SASH1: variants seen among roughly 807,000 people sequenced by gnomAD.
SASH1 encodes the protein SAM and SH3 domain containing 1.
Under a neutral mutation model 125.2 loss-of-function variants are expected in SASH1, and 44 were observed. The observed-to-expected ratio is 0.35, with a 90% CI of 0.28 to 0.45. The LOEUF (loss-of-function observed/expected upper bound fraction) is 0.45. Among genes scored for constraint, SASH1 ranks in the 20% least tolerant of loss-of-function variants. SASH1 has a pLI of 1.00. For missense variants in SASH1, 1,426 were observed against 1,614.5 expected (o/e 0.88, Z 2.00); for synonymous variants, 639 against 649.1 (o/e 0.98, Z 0.24).
the SASH1 span, among the ~76,000 whole-genome samples, chr6:148,230,596 C>T: frequency 5.3e-5 from 8 of 152,238 alleles, no homozygotes; most frequent in Non-Finnish European, 2.9e-5. Flanking sequence ...CAAAGTGCAC[C>T]CTTGCGGCAC....
At chr6:148,481,505 C>T (rs1242887071) in intron 7 of SASH1, among the ~76,000 whole-genome samples, 2 of 152,114 alleles carry the variant, frequency 1.3e-5, no homozygotes, top group East Asian at 1.9e-4. Context: ...TCATTCCTAG[C>T]TTTTGATTTA....
chr6:148,322,818 T>A (rs1780671847), intron 1 of SASH1, among the ~76,000 whole-genome samples: 2 of 152,170 alleles, frequency 1.3e-5, no homozygotes, highest in Admixed American at 6.5e-5. Flanking sequence ...CAGTTTTCCA[T>A]TCTCATTTAC....
the SASH1 span, among the ~76,000 whole-genome samples, chr6:148,223,446 G>A: frequency 1.3e-5 from 2 of 152,170 alleles, no homozygotes; most frequent in Non-Finnish European, 1.5e-5. Context: ...ACTCATAAGC[G>A]AGACTGAGTT....
intron 1 of SASH1, among the ~76,000 whole-genome samples, chr6:148,298,011 TA>T (rs112592275): frequency 0.13 from 19,795 of 149,832 alleles, 1,422 homozygotes; most frequent in East Asian, 0.27. Context: ...TTATTATATA[TA>T]TATTTTTTTT....
the SASH1 span, among the ~76,000 whole-genome samples, chr6:148,232,402 T>A: frequency 6.6e-6 from 1 of 152,210 alleles, no homozygotes; most frequent in Admixed American, 6.5e-5. Context: ...CAAGAAGACA[T>A]GGTTTGATCC....
chr6:148,464,048 G>C lies in SASH1; in HGVS notation c.387-4497G>C, dbSNP rs555057657. 9.2e-5 allele frequency among the ~76,000 whole-genome samples: 14 copies of C among 152,300 alleles called. No homozygotes were observed. The South Asian group carries it at 2.9e-3, about 32-fold the overall frequency. ...TGAATACACAAAGCAATTTAACAAA[G>C]AATTTGTTAAAGACAGAGGTAGGAG... On this transcript the variant is annotated intron_variant, in intron 4 of 19. Coordinates refer to ENST00000367467, the MANE Select transcript of SASH1 (RefSeq NM_015278.5).
At chr6:148,433,459 T>C (rs1168020916) in intron 2 of SASH1, among the ~76,000 whole-genome samples, 1 of 147,980 alleles carries the variant, frequency 6.8e-6, no homozygotes. Context: ...CAGGGTGGAG[T>C]GCAGTGGCGT....
In SASH1 at chr6:148,519,868, A is replaced by T. The variant is rs753602697; in HGVS notation, c.1184A>T (p.Lys395Met). Reference protein sequence around the residue: ...SRSLTEGEMKKGLGSLSHGRT... With the variant: ...SRSLTEGEMKMGLGSLSHGRT... Reference sequence around the variant, plus strand: ...TCCCTCACCGAGGGGGAGATGAAGAAGGGTCTCGGGTCCCTAAGCCACGGG... The same window carrying T: ...TCCCTCACCGAGGGGGAGATGAAGATGGGTCTCGGGTCCCTAAGCCACGGG... Residue 395 changes from lysine to methionine, a missense_variant, in exon 10 of 20, where the codon AAG (lysine) becomes ATG (methionine). Physicochemically the swap from Lys to Met is moderately conservative, Grantham distance 95. This residue lies in a region of SASH1 where 567 missense variants were observed against 575.6 expected (regional missense o/e 0.99). Transcript: ENST00000367467. This position sits in a 1 kb window ranked among gnomAD's most constrained non-coding sequence, Gnocchi z 4.8. The T allele has an allele frequency of 1.9e-6, 3 of 1,589,930 alleles. No homozygotes were observed. The highest frequency in any genetic ancestry group is 1.7e-6 in the Non-Finnish European group (2 of 1,169,600).
At chr6:148,380,068 T>G (rs1692586545) in intron 1 of SASH1, 16 of 440,764 alleles carry the variant, frequency 3.6e-5, no homozygotes, top group South Asian at 2.6e-4. Context: ...AACAGTTGCT[T>G]CAACCTTAGC....
At chr6:148,483,550 C>T (rs1778718395) in intron 7 of SASH1, among the ~76,000 whole-genome samples, 1 of 152,166 alleles carries the variant, frequency 6.6e-6, no homozygotes, top group Non-Finnish European at 1.5e-5. Flanking sequence ...GATGTGATTT[C>T]AGGAGGAGTC....
chr6:148,334,104 G>T (rs1009759790), intron 1 of SASH1, among the ~76,000 whole-genome samples: 3 of 148,162 alleles, frequency 2.0e-5, no homozygotes, highest in African/African-American at 7.4e-5. Flanking sequence ...TTACAGGTGT[G>T]AGCCATCTGC....
chr6:148,467,246 G>A lies in SASH1; in HGVS notation c.387-1299G>A, dbSNP rs938587272. Among the ~76,000 whole-genome samples the A allele has an allele frequency of 4.6e-5, 7 of 151,992 alleles. 1 individual carries two copies. The highest frequency in any genetic ancestry group is 3.3e-4 in the Admixed American group (5 of 15,270). On this transcript the variant is annotated intron_variant, in intron 4 of 19. Coordinates refer to ENST00000367467, the MANE Select transcript of SASH1 (RefSeq NM_015278.5). ...CGAGTAGCTAGGATTACAGGCCTGT[G>A]CCACCACGCCTAGCTAATTTTTGTA...
intron 1 of SASH1, among the ~76,000 whole-genome samples, chr6:148,352,145 A>C (rs888047165): frequency 1.3e-5 from 2 of 152,238 alleles, no homozygotes; most frequent in Non-Finnish European, 1.5e-5. Context: ...AGAGCAAAGG[A>C]ACTATTTTAG....
At chr6:148,421,042 C>CCACTGCA (rs1196546180) in intron 2 of SASH1, among the ~76,000 whole-genome samples, 21 of 151,426 alleles carry the variant, frequency 1.4e-4, no homozygotes, top group Non-Finnish European at 2.2e-4. Context: ...CGAGATTCCG[C>CCACTGCA]CACTGCACTC....
At chr6:148,539,357 C>G (rs1029080202) in intron 16 of SASH1, among the ~76,000 whole-genome samples, 9 of 151,970 alleles carry the variant, frequency 5.9e-5, no homozygotes, top group Admixed American at 1.3e-4. Flanking sequence ...AGACTCCCCC[C>G]ACCCTTCCTC....
intron 1 of SASH1, among the ~76,000 whole-genome samples, chr6:148,370,577 A>G (rs1361566705): frequency 6.6e-6 from 1 of 152,132 alleles, no homozygotes; most frequent in Non-Finnish European, 1.5e-5. Context: ...TAATCCCAGC[A>G]CTTTGGGAAG....
At chr6:148,467,232 G>A (rs1777885375) in intron 4 of SASH1, among the ~76,000 whole-genome samples, 1 of 151,598 alleles carries the variant, frequency 6.6e-6, no homozygotes, top group African/African-American at 2.4e-5. Flanking sequence ...GAGTAGCTAG[G>A]ATTACAGGCC....
the SASH1 span, among the ~76,000 whole-genome samples, chr6:148,256,901 A>G: frequency 6.6e-6 from 1 of 152,170 alleles, no homozygotes; most frequent in East Asian, 1.9e-4. Context: ...TGAAAAGTAG[A>G]TTAGATCTGG....
chr6:148,221,688 A>G, the SASH1 span, among the ~76,000 whole-genome samples: 1 of 152,250 alleles, frequency 6.6e-6, no homozygotes, highest in Non-Finnish European at 1.5e-5. Flanking sequence ...CTTTGGCTAC[A>G]GCCCAGAGCA....
Sources: gnomAD v4.1 joint callset for allele counts (sites outside exome capture counted in the v4.1 genomes callset) on GRCh38, gnomAD v4.1.1 for gene constraint, gnomAD v4.1.1 regional missense constraint, Gnocchi (gnomAD v3.1) non-coding constraint, MANE v1.5 for transcripts, NCBI Gene and HGNC (gene_info 2026-07-23, HGNC 2026-07-21) for gene names.